Variants in HAPSTR1 observed in about 807,000 individuals in gnomAD.
HAPSTR1 encodes HUWE1 associated protein modifying stress responses.
the HAPSTR1 span, chr16:9,105,092 A>G: frequency 1.1e-4 from 16 of 152,184 alleles, no homozygotes; most frequent in African/African-American, 1.9e-4. Flanking sequence ...GAAAAACTGT[A>G]TTCTCCAACT....
chr16:9,112,142 A>G, the HAPSTR1 span: 2 of 152,168 alleles, frequency 1.3e-5, no homozygotes, highest in Non-Finnish European at 2.9e-5. Flanking sequence ...AAATTACTGA[A>G]ATCTTCCTAG....
At chr16:9,118,413 C>CT in the HAPSTR1 span, 1 of 152,556 alleles carries the variant, frequency 6.6e-6, no homozygotes, top group Non-Finnish European at 1.5e-5. Flanking sequence ...TGTGAAGAAA[C>CT]TTTGCTGAGT....
chr16:9,096,343 T>G, the HAPSTR1 span, among the ~76,000 whole-genome samples: 1 of 152,228 alleles, frequency 6.6e-6, no homozygotes, highest in African/African-American at 2.4e-5. Flanking sequence ...TCTGTCTTTT[T>G]AAAAATTTTT....
chr16:9,120,695 T>TTTTTG, the HAPSTR1 span: 1 of 126,060 alleles, frequency 7.9e-6, no homozygotes, highest in African/African-American at 3.0e-5. Context: ...TTTTTTTTTT[T>TTTTTG]GTGATGGAGT....
the HAPSTR1 span, chr16:9,103,434 C>T: frequency 1.6e-6 from 1 of 636,680 alleles, no homozygotes. Flanking sequence ...CGATTTCTGT[C>T]AGCTAACCTA....
At chr16:9,098,528 T>C in the HAPSTR1 span, among the ~76,000 whole-genome samples, 4 of 152,152 alleles carry the variant, frequency 2.6e-5, no homozygotes, top group Non-Finnish European at 5.9e-5. Context: ...GTACATTTTC[T>C]TTACTGGTTG....
At chr16:9,105,267 A>T in the HAPSTR1 span, 3 of 152,216 alleles carry the variant, frequency 2.0e-5, no homozygotes, top group Non-Finnish European at 4.4e-5. Context: ...CTAGGAAGAA[A>T]ATGATCTTTA....
the HAPSTR1 span, chr16:9,113,321 G>A: frequency 6.6e-6 from 1 of 152,118 alleles, no homozygotes; most frequent in Non-Finnish European, 1.5e-5. Flanking sequence ...AAGTTATCAA[G>A]ATAAACACCC....
chr16:9,114,255 GGA>G, the HAPSTR1 span, among the ~76,000 whole-genome samples: 1 of 152,048 alleles, frequency 6.6e-6, no homozygotes, highest in Non-Finnish European at 1.5e-5. Flanking sequence ...TCTAGTTTTG[GGA>G]AACGTGTGTG....
At chr16:9,100,271 C>G in the HAPSTR1 span, among the ~76,000 whole-genome samples, 2 of 152,168 alleles carry the variant, frequency 1.3e-5, no homozygotes, top group East Asian at 3.8e-4. Flanking sequence ...AAGTGTCTTA[C>G]ATCTAAGCCA....
the HAPSTR1 span, chr16:9,112,198 C>T: frequency 6.6e-6 from 1 of 152,182 alleles, no homozygotes; most frequent in Non-Finnish European, 1.5e-5. Context: ...ACATCTTAAA[C>T]ACGACATTGA....
chr16:9,092,089 C>T, the HAPSTR1 span: 5 of 1,542,884 alleles, frequency 3.2e-6, no homozygotes, highest in African/African-American at 1.4e-5. Context: ...TCCAGGAGCA[C>T]GGGCCCGAGC....
the HAPSTR1 span, among the ~76,000 whole-genome samples, chr16:9,097,240 C>CTTTTTTT: frequency 1.4e-5 from 2 of 140,800 alleles, no homozygotes; most frequent in Non-Finnish European, 1.5e-5. Flanking sequence ...GCGCCTGGCT[C>CTTTTTTT]TTTTTTTTTT....
the HAPSTR1 span, among the ~76,000 whole-genome samples, chr16:9,097,267 G>C: frequency 7.0e-6 from 1 of 143,430 alleles, no homozygotes; most frequent in Non-Finnish European, 1.5e-5. Context: ...TTTTGAGACA[G>C]GGTCTCATTC....
the HAPSTR1 span, chr16:9,102,853 T>G: frequency 8.1e-6 from 7 of 860,556 alleles, no homozygotes; most frequent in Non-Finnish European, 1.2e-5. Context: ...CATTTCAGTT[T>G]ATATTACTGA....
the HAPSTR1 span, chr16:9,117,261 T>C: frequency 1.3e-5 from 1 of 78,862 alleles, no homozygotes; most frequent in Non-Finnish European, 2.9e-5. Context: ...TATAGAATGC[T>C]TTTTTTTTTT....
At chr16:9,107,291 A>G in the HAPSTR1 span, 1 of 152,242 alleles carries the variant, frequency 6.6e-6, no homozygotes. Context: ...ATACATAAAC[A>G]TAGAGCGATT....
At chr16:9,116,107 C>CA in the HAPSTR1 span, among the ~76,000 whole-genome samples, 2 of 152,152 alleles carry the variant, frequency 1.3e-5, no homozygotes, top group African/African-American at 4.8e-5. Flanking sequence ...CCTCATGTCC[C>CA]AGTAGAAATT....
chr16:9,093,579 G>C, the HAPSTR1 span, among the ~76,000 whole-genome samples: 2 of 152,200 alleles, frequency 1.3e-5, no homozygotes, highest in Non-Finnish European at 2.9e-5. Flanking sequence ...ATGTTAACGT[G>C]CTGCTCTTCT....
Sources: allele counts gnomAD v4.1 joint callset (sites outside exome capture counted in the v4.1 genomes callset), GRCh38; gene constraint gnomAD v4.1.1; transcripts MANE v1.5; gene names NCBI Gene and HGNC (gene_info 2026-07-23, HGNC 2026-07-21).